Variants in GPR158 observed in about 807,000 individuals in gnomAD.
GPR158 encodes the protein metabotropic glycine receptor.
GPR158 carries 30 observed loss-of-function variants against 78.2 expected under a neutral mutation model. The observed-to-expected ratio is 0.38, with a 90% CI of 0.29 to 0.52. The LOEUF (loss-of-function observed/expected upper bound fraction) is 0.52, where lower values mean the gene tolerates loss of function less well. GPR158 is among the 20% of genes least tolerant of loss of function. The pLI is 0.83. For synonymous variants in GPR158, 581 were observed against 591.1 expected (o/e 0.98, Z 0.25); for missense variants, 1,463 against 1,523.5 (o/e 0.96, Z 0.66).
At position 25,579,275 on chromosome 10, in the gene GPR158, A is replaced by G. The variant is rs968269468; in HGVS notation, c.1753+6388A>G. On this transcript the variant is annotated intron_variant, in intron 7 of 10. Transcript: ENST00000376351. ...TAAAAAGTCAAAACTTTATTCCCCT[A>G]TGAGTTTTCTAATTGGATAATACAA... 5.3e-5 allele frequency among the ~76,000 whole-genome samples: 8 copies of G among 151,954 alleles called. No homozygotes were observed. In the South Asian group the frequency reaches 1.2e-3, roughly 24 times the overall value.
intron 2 of GPR158, among the ~76,000 whole-genome samples, chr10:25,324,831 C>T (rs868051900): frequency 4.8e-4 from 60 of 125,358 alleles, no homozygotes; most frequent in South Asian, 2.7e-3. Context: ...TTTTTTCTTT[C>T]TTTTTTTTTT....
chr10:25,538,536 C>T (rs780278853), intron 5 of GPR158, among the ~76,000 whole-genome samples: 8 of 152,028 alleles, frequency 5.3e-5, no homozygotes, highest in South Asian at 2.1e-4. Context: ...GACTGGAGTG[C>T]GATGGTTATT....
At chr10:25,584,530 CTACTT>C (rs1205417038) in intron 7 of GPR158, among the ~76,000 whole-genome samples, 1 of 152,132 alleles carries the variant, frequency 6.6e-6, no homozygotes, top group African/African-American at 2.4e-5. Context: ...AACCTGATAA[CTACTT>C]TTCTTTTTTT....
intron 2 of GPR158, among the ~76,000 whole-genome samples, chr10:25,310,193 A>C (rs1440684710): frequency 2.0e-5 from 3 of 152,178 alleles, no homozygotes; most frequent in Non-Finnish European, 4.4e-5. Flanking sequence ...CAACTTGTTG[A>C]AAATCATTTG....
At chr10:25,572,976 G>C (rs1419460395) in intron 7 of GPR158, 89 bp downstream of exon 7, 1 of 814,676 alleles carries the variant, frequency 1.2e-6, no homozygotes, top group Non-Finnish European at 2.1e-6. Flanking sequence ...AGACTCTTTA[G>C]TAAAGCCTAA....
intron 2 of GPR158, among the ~76,000 whole-genome samples, chr10:25,329,833 G>A (rs1855093330): frequency 2.6e-5 from 4 of 151,960 alleles, no homozygotes; most frequent in Admixed American, 6.5e-5. Context: ...TATTTTTATC[G>A]TAAGCGTCTA....
chr10:25,593,957 A>G (rs1163530808), intron 8 of GPR158, among the ~76,000 whole-genome samples: 1 of 152,038 alleles, frequency 6.6e-6, no homozygotes, highest in Non-Finnish European at 1.5e-5. Context: ...ACAAATTTGT[A>G]TTGTAAGTTT....
chr10:25,584,807 C>A (rs1187803673), intron 7 of GPR158, among the ~76,000 whole-genome samples: 2 of 152,120 alleles, frequency 1.3e-5, no homozygotes, highest in East Asian at 3.8e-4. Context: ...AAACTGGAGA[C>A]AAAATGAAAA....
chr10:25,308,426 C>A (rs11014498), intron 2 of GPR158, among the ~76,000 whole-genome samples: 1 of 152,080 alleles, frequency 6.6e-6, no homozygotes, highest in Admixed American at 6.6e-5. Flanking sequence ...TGTTAGTTTG[C>A]TAAGGTGACT....
intron 2 of GPR158, among the ~76,000 whole-genome samples, chr10:25,383,463 A>G (rs987453850): frequency 1.1e-4 from 16 of 152,150 alleles, no homozygotes; most frequent in Middle Eastern, 3.2e-3. Flanking sequence ...CACTGCAGAG[A>G]CTTACCTGAG....
At chr10:25,275,038 T>G (rs1286157158) in intron 2 of GPR158, among the ~76,000 whole-genome samples, 1 of 152,230 alleles carries the variant, frequency 6.6e-6, no homozygotes, top group Non-Finnish European at 1.5e-5. Flanking sequence ...ATTATGCTAC[T>G]TTTCATGATA....
intron 3 of GPR158, among the ~76,000 whole-genome samples, chr10:25,411,078 G>C (rs1242609541): frequency 1.3e-5 from 2 of 151,586 alleles, no homozygotes; most frequent in Non-Finnish European, 2.9e-5. Context: ...ATTCAGAGTT[G>C]GAAATAGTTG....
chr10:25,206,209 G>A (rs372881070), intron 1 of GPR158, among the ~76,000 whole-genome samples: 4 of 152,056 alleles, frequency 2.6e-5, no homozygotes, highest in East Asian at 1.9e-4. Flanking sequence ...GGATGGTCTC[G>A]ATCTCCTGAC....
At chr10:25,375,741 A>C (rs565881505) in intron 2 of GPR158, among the ~76,000 whole-genome samples, 1 of 151,722 alleles carries the variant, frequency 6.6e-6, no homozygotes, top group South Asian at 2.1e-4. Flanking sequence ...TTAAAAATTG[A>C]ATCTTTTGCC....
At chr10:25,532,068 A>G (rs1386535103) in intron 5 of GPR158, among the ~76,000 whole-genome samples, 1 of 152,198 alleles carries the variant, frequency 6.6e-6, no homozygotes, top group Non-Finnish European at 1.5e-5. Context: ...TGTAACTGCA[A>G]TTTGCATAAT....
chr10:25,417,901 A>C (rs749483523), intron 4 of GPR158, among the ~76,000 whole-genome samples: 2 of 152,140 alleles, frequency 1.3e-5, no homozygotes, highest in Admixed American at 6.5e-5. Flanking sequence ...GTTTCACCAG[A>C]ATTCATAAAA....
chr10:25,248,248 T>G (rs1000307447), intron 2 of GPR158, among the ~76,000 whole-genome samples: 1 of 152,050 alleles, frequency 6.6e-6, no homozygotes, highest in Admixed American at 6.5e-5. Context: ...TGTGAAAATT[T>G]TCTCCCATTT....
intron 5 of GPR158, among the ~76,000 whole-genome samples, chr10:25,519,647 G>A (rs1836230640): frequency 7.0e-6 from 1 of 142,868 alleles, no homozygotes; most frequent in Non-Finnish European, 1.5e-5. Flanking sequence ...TAGCTTGGCT[G>A]GATATGAAAT....
chr10:25,256,754 G>A lies in GPR158; in HGVS notation c.1008+35597G>A, dbSNP rs143791607. ...TTTAGTTGTCCTCCTTTGTTGTCCT[G>A]TTCCTTCCCTAATTAAACATATAGA... On this transcript the variant is annotated intron_variant, in intron 2 of 10. Coordinates refer to ENST00000376351, the MANE Select transcript of GPR158 (RefSeq NM_020752.3). Among the ~76,000 whole-genome samples, 291 of 152,158 alleles carry A rather than the reference G, an allele frequency of 1.9e-3. 1 individual carries two copies. Among genetic ancestry groups the A allele is most frequent in the African/African-American group, 6.0e-3 (249 of 41,506 alleles).
Sources: gnomAD v4.1 joint callset for allele counts (sites outside exome capture counted in the v4.1 genomes callset) on GRCh38, gnomAD v4.1.1 for gene constraint, MANE v1.5 for transcripts, NCBI Gene and HGNC (gene_info 2026-07-23, HGNC 2026-07-21) for gene names.